Variants in SHANK2 observed in about 807,000 individuals in gnomAD.
The protein encoded by SHANK2 is SH3 and multiple ankyrin repeat domains 2.
Under a neutral mutation model 133.7 loss-of-function variants are expected in SHANK2, and 43 were observed. The observed-to-expected ratio is 0.32, with a 90% CI of 0.25 to 0.41. SHANK2 has a LOEUF of 0.41. Among genes scored for constraint, SHANK2 ranks in the 10% least tolerant of loss-of-function variants. The pLI is 1.00. For missense variants in SHANK2, 1,994 were observed against 2,235.8 expected (o/e 0.89, Z 2.18); for synonymous variants, 1,017 against 952.8 (o/e 1.07, Z -1.24).
intron 10 of SHANK2, among the ~76,000 whole-genome samples, chr11:70,944,709 A>G (rs1393567681): frequency 6.6e-6 from 1 of 152,120 alleles, no homozygotes; most frequent in Non-Finnish European, 1.5e-5. Context: ...GGCCCTTTCA[A>G]CTGGGAATCA....
intron 10 of SHANK2, among the ~76,000 whole-genome samples, chr11:70,936,378 G>A (rs1950570980): frequency 6.6e-6 from 1 of 152,122 alleles, no homozygotes; most frequent in African/African-American, 2.4e-5. Flanking sequence ...CAGGCATGGT[G>A]GCACGTGCCT....
At position 70,472,643 on chromosome 11, in the gene SHANK2, C is replaced by A; in HGVS notation, c.*226G>T. 1.7e-6 allele frequency: 1 copy of A among 585,844 alleles called. No homozygotes were observed. The highest frequency in any genetic ancestry group is 3.1e-6 in the Non-Finnish European group (1 of 327,386). 36.3% of individuals were successfully genotyped at this position (585,844 alleles called of 1,614,324 possible). The stretch of plus-strand genomic sequence containing the variant: ...TTCCATGTTAGAAAAACTCCCTCCC[C>A]TTGTCCCATGTGTGATAGAAACTGC... On this transcript the variant is annotated 3_prime_UTR_variant, in exon 26 of 26. Coordinates refer to ENST00000601538, the MANE Select transcript of SHANK2 (RefSeq NM_012309.5). The surrounding 1 kb of genome is among the most constrained non-coding windows in gnomAD (Gnocchi z 4.4).
chr11:70,870,318 G>C (rs1555069937), intron 11 of SHANK2, among the ~76,000 whole-genome samples: 1 of 152,146 alleles, frequency 6.6e-6, no homozygotes, highest in East Asian at 1.9e-4. Context: ...GGGGAGGGAG[G>C]GGCAGATTCA....
At chr11:71,193,710 C>G (rs1953840450) in intron 2 of SHANK2, among the ~76,000 whole-genome samples, 1 of 152,302 alleles carries the variant, frequency 6.6e-6, no homozygotes, top group Admixed American at 6.5e-5. Context: ...GACCAGGCAC[C>G]TGAAACCACA....
intron 17 of SHANK2, among the ~76,000 whole-genome samples, chr11:70,626,017 G>C (rs748452857): frequency 6.6e-6 from 1 of 151,928 alleles, no homozygotes; most frequent in Non-Finnish European, 1.5e-5. Flanking sequence ...GGGCCTCCCC[G>C]CCTCCAGTTC....
chr11:70,801,017 C>T (rs2135237146), intron 13 of SHANK2, among the ~76,000 whole-genome samples: 1 of 152,332 alleles, frequency 6.6e-6, no homozygotes, highest in Admixed American at 6.5e-5. Flanking sequence ...AAAACTCGGT[C>T]TCTCTGTACC....
At chr11:70,933,912 A>AC (rs1950534785) in intron 10 of SHANK2, among the ~76,000 whole-genome samples, 6 of 150,868 alleles carry the variant, frequency 4.0e-5, no homozygotes, top group Admixed American at 6.6e-5. Flanking sequence ...AAAAAAAAAA[A>AC]AACAAAAAAC....
At chr11:70,812,948 T>G (rs749522488) in intron 12 of SHANK2, among the ~76,000 whole-genome samples, 25 of 152,116 alleles carry the variant, frequency 1.6e-4, no homozygotes, top group Non-Finnish European at 2.1e-4. Context: ...TTGGGCCATT[T>G]CCCAGCCAGC....
At chr11:70,658,919 A>T (rs1352358311) in intron 17 of SHANK2, among the ~76,000 whole-genome samples, 1 of 152,220 alleles carries the variant, frequency 6.6e-6, no homozygotes, top group Non-Finnish European at 1.5e-5. Flanking sequence ...TCAGGGTGAC[A>T]TGGAAGAGCG....
chr11:71,067,116 A>T (rs2135955405), intron 9 of SHANK2, among the ~76,000 whole-genome samples: 1 of 152,310 alleles, frequency 6.6e-6, no homozygotes, highest in Non-Finnish European at 1.5e-5. Context: ...GGGCGTGTGG[A>T]CACCGTCGCC....
intron 8 of SHANK2, among the ~76,000 whole-genome samples, chr11:71,083,985 G>GT (rs1338896903): frequency 1.3e-5 from 2 of 149,712 alleles, no homozygotes; most frequent in African/African-American, 4.9e-5. Flanking sequence ...TTTTTGGGGG[G>GT]GGGAGACAGA....
chr11:70,749,077 T>TG (rs1325247693), intron 14 of SHANK2, among the ~76,000 whole-genome samples: 34 of 152,358 alleles, frequency 2.2e-4, no homozygotes, highest in African/African-American at 8.2e-4. Context: ...TTGCATTTCA[T>TG]GGGGGCTTTG....
intron 17 of SHANK2, among the ~76,000 whole-genome samples, chr11:70,556,311 T>A (rs571059882): frequency 6.6e-6 from 1 of 152,368 alleles, no homozygotes; most frequent in South Asian, 2.1e-4. Flanking sequence ...CCAGGCTACA[T>A]CCAGTTTTTG....
At chr11:70,933,078 G>A (rs1555082782) in intron 10 of SHANK2, 2 of 455,690 alleles carry the variant, frequency 4.4e-6, no homozygotes, top group African/African-American at 4.0e-5. Context: ...GTCCACAGCA[G>A]CATGATTCAC....
intron 17 of SHANK2, among the ~76,000 whole-genome samples, chr11:70,623,364 C>T (rs1332723519): frequency 2.6e-5 from 4 of 152,196 alleles, no homozygotes. Flanking sequence ...ACAGCTATTG[C>T]TTATGCTCCA....
chr11:70,624,088 C>T (rs1208819754), intron 17 of SHANK2, among the ~76,000 whole-genome samples: 1 of 152,126 alleles, frequency 6.6e-6, no homozygotes, highest in African/African-American at 2.4e-5. Context: ...CTTCTGGGAG[C>T]AGAGGCCCTG....
intron 2 of SHANK2, among the ~76,000 whole-genome samples, chr11:71,203,946 C>T (rs1226336715): frequency 2.0e-5 from 3 of 152,198 alleles, no homozygotes; most frequent in Non-Finnish European, 4.4e-5. Flanking sequence ...CGGGAGAGAA[C>T]ACGGAAAGCG....
In SHANK2 at chr11:70,535,941, C is replaced by G. The variant is rs2059537357; in HGVS notation, c.2062-33010G>C. 6.6e-6 allele frequency among the ~76,000 whole-genome samples: 1 copy of G among 152,254 alleles called. No individual in the cohort carries two copies. ...CACATAGCCCAGAATGGACATGTGGCTCACCCGAGGCTGGTTGACTGAGGG... is the reference window on the plus strand; with the variant it reads ...CACATAGCCCAGAATGGACATGTGGGTCACCCGAGGCTGGTTGACTGAGGG... On this transcript the variant is annotated intron_variant, in intron 17 of 25. Coordinates refer to ENST00000601538, the MANE Select transcript of SHANK2 (RefSeq NM_012309.5). The surrounding 1 kb of genome is among the most constrained non-coding windows in gnomAD (Gnocchi z 4.3).
At chr11:70,518,556 C>T (rs1319284966) in intron 17 of SHANK2, among the ~76,000 whole-genome samples, 4 of 152,230 alleles carry the variant, frequency 2.6e-5, no homozygotes, top group African/African-American at 9.6e-5. Flanking sequence ...AGGCTTTCCC[C>T]ATTCCTCTTT....
Sources: gnomAD v4.1 joint callset for allele counts (sites outside exome capture counted in the v4.1 genomes callset) on GRCh38, gnomAD v4.1.1 for gene constraint, Gnocchi (gnomAD v3.1) non-coding constraint, MANE v1.5 for transcripts, NCBI Gene and HGNC (gene_info 2026-07-23, HGNC 2026-07-21) for gene names.